Variants in ZFP90 observed in about 807,000 individuals in gnomAD.
ZFP90 encodes zinc finger protein 90 homolog.
Under a neutral mutation model 60.8 loss-of-function variants are expected in ZFP90, and 38 were observed. That is an observed-to-expected ratio of 0.62 (90% CI 0.48 to 0.82). The LOEUF (loss-of-function observed/expected upper bound fraction) is 0.82. Ranked by LOEUF, ZFP90 falls within the 40% of genes least tolerant of loss-of-function variation. ZFP90 has a pLI of 0.00. For missense variants in ZFP90, 711 were observed against 759.1 expected, an observed-to-expected ratio of 0.94 and a Z score of 0.74; for synonymous variants, 287 against 264.8, an observed-to-expected ratio of 1.08 and a Z score of -0.82.
intron 1 of ZFP90, chr16:68,533,579 C>G (rs967022165): frequency 6.6e-6 from 1 of 152,178 alleles, no homozygotes; most frequent in Non-Finnish European, 1.5e-5. Flanking sequence ...TGATGACATT[C>G]TGTTTTTTGT....
rs2090997484 is a variant in ZFP90 at position 68,539,544 on chromosome 16, C to CCTG, written c.-36+67_-36+69dup. 1.2e-5 allele frequency: 6 copies of CCTG among 495,958 alleles called. No homozygotes were observed. In the South Asian group the frequency reaches 2.0e-4, roughly 16 times the overall value. The allele number at this position is 495,958 out of a possible 1,614,324, so 30.7% of individuals were successfully genotyped here. On this transcript the variant is annotated intron_variant, in intron 1 of 4. Transcript: ENST00000563169. ...GTGTCAGCCGGGCCTCGCCCACCAC[C>CCTG]CTGCGAAGGGGACTGGGCGTGGCCG...
intron 2 of ZFP90, among the ~76,000 whole-genome samples, chr16:68,548,801 T>C (rs1376118514): frequency 1.3e-5 from 2 of 152,126 alleles, no homozygotes; most frequent in African/African-American, 4.8e-5. Flanking sequence ...TATCCTCCTA[T>C]CTTTAAGTTC....
chr16:68,537,898 A>G (rs2152050052), upstream of ZFP90, among the ~76,000 whole-genome samples: 1 of 133,846 alleles, frequency 7.5e-6, no homozygotes, highest in African/African-American at 2.8e-5. Context: ...ACAGTGATGG[A>G]AATTTTCTCC....
Position 68,558,061 on chromosome 16 carries a change from C to A in ZFP90, c.97C>A (p.Pro33Thr), listed in dbSNP as rs746869291. 5.0e-6 allele frequency: 8 copies of A among 1,613,844 alleles called. No homozygotes were observed. The East Asian group carries it at 1.8e-4, about 36-fold the overall frequency. ...CCAGGAAGAATGGTACCATGTCGAC[C>A]CTGCTCAGAGGAGCTTATACAGGGA... ...FTQEEWYHVD[P>T]AQRSLYRDVM... Residue 33 changes from proline (P) to threonine (T), a missense_variant, in exon 3 of 5, where the codon CCT (proline) becomes ACT (threonine). Pro to Thr is a conservative substitution (Grantham distance 38, BLOSUM62 -1). Coordinates refer to ENST00000563169, the MANE Select transcript of ZFP90 (RefSeq NM_001305203.2).
rs749385924 is a variant in ZFP90, at chr16:68,564,324, A to G, written c.1537A>G (p.Ile513Val). ...GKAFKRSTSF[I>V]EHHRIHTGEK... is the part of the protein sequence containing the mutation. ...AGCTTTCAAAAGGAGTACAAGTTTC[A>G]TAGAGCATCACAGAATTCATACTGG... The change falls in exon 5 of 5, where the codon ATA becomes GTA. Residue 513 changes from isoleucine to valine, a missense_variant. Physicochemically the swap from Ile to Val is conservative, Grantham distance 29. Coordinates refer to ENST00000563169, the MANE Select transcript of ZFP90 (RefSeq NM_001305203.2). The G allele has an allele frequency of 2.5e-6, 4 of 1,614,016 alleles. No individual in the cohort carries two copies. The East Asian group carries it at 6.7e-5, about 27-fold the overall frequency.
intron 1 of ZFP90, among the ~76,000 whole-genome samples, chr16:68,533,547 C>G (rs990091378): frequency 4.6e-5 from 7 of 152,308 alleles, no homozygotes; most frequent in South Asian, 2.1e-4. Flanking sequence ...TTGAAAGACA[C>G]CCAACTTTAA....
rs2091463967 is a variant in ZFP90 at position 68,563,241 on chromosome 16, C to T, written c.454C>T (p.Gln152Ter). The T allele has an allele frequency of 6.2e-7, 1 of 1,613,490 alleles. No homozygotes were observed. The highest frequency in any genetic ancestry group is 1.1e-5 in the South Asian group (1 of 90,948). The change falls in exon 5 of 5, where the codon CAA becomes TAA. Residue 152 changes from glutamine (Q) to a stop codon, truncating the protein, a stop_gained. Coordinates refer to ENST00000563169, the MANE Select transcript of ZFP90 (RefSeq NM_001305203.2). LOFTEE classifies it high-confidence loss of function. ...CACCCAGAAGAAAATAATTACACCA[C>T]AAGAAAATTTTGAGCAAAATAAATT... is the stretch of plus-strand genomic sequence containing the variant. ...ASTQKKIITP[Q>*]ENFEQNKFGE...
In ZFP90 at chr16:68,564,346, C is replaced by T. The variant is rs377112421; in HGVS notation, c.1559C>T (p.Thr520Ile). 4 of 1,613,980 alleles carry T rather than the reference C, an allele frequency of 2.5e-6. No individual in the cohort carries two copies. The highest frequency in any genetic ancestry group is 3.4e-6 in the Non-Finnish European group (4 of 1,180,000). Residue 520 changes from threonine to isoleucine, a missense_variant, in exon 5 of 5, where the codon ACT becomes ATT. Around this residue, in one of 5 missense-constraint regions of ZFP90, gnomAD observed 295 missense variants for 274.0 expected, o/e 1.08. Transcript: ENST00000563169. ...TTCATAGAGCATCACAGAATTCATA[C>T]TGGAGAGAAACCCTATGAATGTAAT... ...TSFIEHHRIH[T>I]GEKPYECNEC...
intron 2 of ZFP90, among the ~76,000 whole-genome samples, chr16:68,551,925 A>AT (rs939388147): frequency 4.6e-5 from 7 of 150,698 alleles, no homozygotes; most frequent in East Asian, 2.0e-4. Context: ...TGCCCGGTTA[A>AT]TTTTTTTTAA....
At chr16:68,567,866 G>A (rs1747433049), downstream of ZFP90, among the ~76,000 whole-genome samples, 1 of 152,166 alleles carries the variant, frequency 6.6e-6, no homozygotes, top group Admixed American at 6.5e-5. Context: ...GCACTTTTAG[G>A]CATATTGATG....
rs761146412 is a variant in ZFP90, at chr16:68,565,388, C to T, written c.*690C>T. The T allele has an allele frequency of 1.0e-6, 1 of 985,560 alleles. No individual in the cohort carries two copies. The highest frequency in any genetic ancestry group is 1.2e-6 in the Non-Finnish European group (1 of 829,932). The allele number at this position is 985,560 out of a possible 1,614,324, so 61.1% of individuals were successfully genotyped here. ...ATCAGATACACAAACATTTAATGGG[C>T]ACCTATGGGTTGGACACTTTGAGAA... On this transcript the variant is annotated 3_prime_UTR_variant, in exon 5 of 5. Transcript: ENST00000563169.
At chr16:68,557,084 C>T in intron 2 of ZFP90, 2 of 420,560 alleles carry the variant, frequency 4.8e-6, no homozygotes, top group Non-Finnish European at 9.7e-6. Flanking sequence ...GCCTCCTGTA[C>T]TCAAGTGATC....
chr16:68,564,393 C>T lies in ZFP90; in HGVS notation c.1606C>T (p.Arg536Ter), dbSNP rs1597752300. The T allele has an allele frequency of 6.8e-6, 11 of 1,613,750 alleles. No individual in the cohort carries two copies. Among genetic ancestry groups the T allele is most frequent in the East Asian group, 2.2e-5 (1 of 44,856 alleles). ...TAATGAGTGTGGAGAAGCCTTTAGT[C>T]GACGCTCATCGCTTACTCAACATGA... ...ECNECGEAFS[R>*]RSSLTQHERT... The change falls in exon 5 of 5, where the codon CGA (arginine) becomes TGA (stop). Residue 536 changes from arginine (R) to a stop codon, truncating the protein, a stop_gained. Transcript: ENST00000563169. LOFTEE classifies it high-confidence loss of function.
chr16:68,568,009 T>G (rs2152077635), downstream of ZFP90, among the ~76,000 whole-genome samples: 1 of 152,348 alleles, frequency 6.6e-6, no homozygotes, highest in African/African-American at 2.4e-5. Context: ...CAAATGGTGC[T>G]TCAGGAAAGG....
chr16:68,547,481 T>C (rs1240645191), intron 2 of ZFP90, among the ~76,000 whole-genome samples: 3 of 152,146 alleles, frequency 2.0e-5, no homozygotes, highest in African/African-American at 7.2e-5. Flanking sequence ...ATTACTTGCT[T>C]AATAATCTAG....
In ZFP90 at chr16:68,566,137, A is replaced by AT; in HGVS notation, c.*1442dup. The AT allele has an allele frequency of 1.0e-6, 1 of 973,578 alleles. No homozygotes were observed. The highest frequency in any genetic ancestry group is 1.2e-6 in the Non-Finnish European group (1 of 824,308). 60.3% of individuals were successfully genotyped at this position (973,578 alleles called of 1,614,324 possible). A position where few individuals can be genotyped will look rare whatever the true frequency, so the allele number is the denominator to read the frequency against. On this transcript the variant is annotated 3_prime_UTR_variant, in exon 5 of 5. Transcript: ENST00000563169. ...AACAGAGCAAGACACACACACATCA[A>AT]TTTATTTTAGTTGTATAATGCTTTT...
In ZFP90 at chr16:68,566,224, G is replaced by A. The variant is rs1294999538; in HGVS notation, c.*1526G>A. On this transcript the variant is annotated 3_prime_UTR_variant, in exon 5 of 5. Transcript: ENST00000563169. ...CTCCATCCCCTAATGACTCCCATGG[G>A]CTATCCTAAAGGAACTTCCAGAACC... is the stretch of plus-strand genomic sequence containing the variant. 1.0e-6 allele frequency: 1 copy of A among 985,558 alleles called. No homozygotes were observed. The highest frequency in any genetic ancestry group is 1.2e-6 in the Non-Finnish European group (1 of 829,968). The allele number at this position is 985,558 out of a possible 1,614,324, so 61.1% of individuals were successfully genotyped here.
downstream of ZFP90, among the ~76,000 whole-genome samples, chr16:68,571,150 G>A (rs1358624293): frequency 1.3e-5 from 2 of 152,186 alleles, no homozygotes; most frequent in Non-Finnish European, 1.5e-5. Context: ...GGAATGCTCC[G>A]GGTATCACAG....
chr16:68,548,031 C>T (rs565534790), intron 2 of ZFP90, among the ~76,000 whole-genome samples: 9 of 151,948 alleles, frequency 5.9e-5, no homozygotes, highest in East Asian at 1.9e-4. Flanking sequence ...TTCACCATGT[C>T]GGTCAGGCTG....
Sources: gnomAD v4.1 joint callset for allele counts (sites outside exome capture counted in the v4.1 genomes callset) on GRCh38, gnomAD v4.1.1 for gene constraint, gnomAD v4.1.1 regional missense constraint, MANE v1.5 for transcripts, NCBI Gene and HGNC (gene_info 2026-07-23, HGNC 2026-07-21) for gene names.